The following STX18 variants were observed in gnomAD, a reference collection of about 807,000 sequenced individuals.
STX18 encodes the protein syntaxin 18, also known as syntaxin-18.
STX18 carries 40 observed loss-of-function variants against 50.1 expected under a neutral mutation model. The observed-to-expected ratio is 0.80, with a 90% CI of 0.62 to 1.04. STX18 has a LOEUF of 1.04. STX18 is among the 50% of genes least tolerant of loss of function. The probability of loss-of-function intolerance (pLI) is 0.00; values close to 1 mark genes in which losing one functional copy is unlikely to be tolerated. For missense variants in STX18, 410 were observed against 415.8 expected, an observed-to-expected ratio of 0.99 and a Z score of 0.12; for synonymous variants, 158 against 151.8, an observed-to-expected ratio of 1.04 and a Z score of -0.30.
intron 7 of STX18, among the ~76,000 whole-genome samples, chr4:4,433,394 C>T (rs897643496): frequency 1.1e-4 from 17 of 152,046 alleles, no homozygotes; most frequent in Non-Finnish European, 2.1e-4. Flanking sequence ...TGCGGAAGGC[C>T]GCAGGGTCCT....
At chr4:4,530,296 G>GTTTT (rs531488995) in intron 1 of STX18, among the ~76,000 whole-genome samples, 13 of 151,840 alleles carry the variant, frequency 8.6e-5, no homozygotes, top group African/African-American at 3.1e-4. Flanking sequence ...CATGCCTAGA[G>GTTTT]TTTTTTGGGT....
chr4:4,447,133 C>T (rs1726452936), intron 5 of STX18, among the ~76,000 whole-genome samples: 1 of 152,144 alleles, frequency 6.6e-6, no homozygotes, highest in Non-Finnish European at 1.5e-5. Flanking sequence ...TAATATTTTA[C>T]CTCAAATATT....
At chr4:4,428,412 C>G (rs1725360573) in intron 7 of STX18, among the ~76,000 whole-genome samples, 1 of 152,160 alleles carries the variant, frequency 6.6e-6, no homozygotes, top group African/African-American at 2.4e-5. Context: ...GCGTCTCTGT[C>G]TTTGTCACTA....
chr4:4,421,017 G>A, intron 9 of STX18, 73 bp from the exon 10 acceptor site: 2 of 1,450,422 alleles, frequency 1.4e-6, no homozygotes, highest in Admixed American at 3.4e-5. Flanking sequence ...GCTCCAACGA[G>A]CATTTCCTTT....
chr4:4,473,760 C>T (rs1247411602), intron 1 of STX18, among the ~76,000 whole-genome samples: 1 of 152,178 alleles, frequency 6.6e-6, no homozygotes, highest in Non-Finnish European at 1.5e-5. Flanking sequence ...AAACACTCAA[C>T]TACTTCCAGG....
chr4:4,490,412 A>C lies in STX18; in HGVS notation c.169-18706T>G, dbSNP rs560955178. On this transcript the variant is annotated intron_variant, in intron 1 of 10. Transcript: ENST00000306200. ...GATTTGCAATTATGAGGTCAATCTC[A>C]TAACAATGAGATTTAAAACAAATTT... Among the ~76,000 whole-genome samples the C allele has an allele frequency of 5.3e-5, 8 of 152,350 alleles. No individual in the cohort carries two copies. The East Asian group carries it at 1.5e-3, about 29-fold the overall frequency.
At chr4:4,438,803 C>CT (rs1283600216) in intron 5 of STX18, among the ~76,000 whole-genome samples, 1 of 151,938 alleles carries the variant, frequency 6.6e-6, no homozygotes, top group African/African-American at 2.4e-5. Context: ...GCTCCATAGA[C>CT]TGACACACCG....
intron 1 of STX18, among the ~76,000 whole-genome samples, chr4:4,500,547 TG>T (rs1419871901): frequency 6.6e-6 from 1 of 152,218 alleles, no homozygotes; most frequent in Non-Finnish European, 1.5e-5. Context: ...CCACAGAGTT[TG>T]GTATCCAGAG....
At chr4:4,491,438 A>G (rs1459116995) in intron 1 of STX18, among the ~76,000 whole-genome samples, 1 of 152,160 alleles carries the variant, frequency 6.6e-6, no homozygotes, top group Non-Finnish European at 1.5e-5. Context: ...TATTAATTTC[A>G]TTTACTGAAA....
At chr4:4,504,611 A>C (rs988794390) in intron 1 of STX18, among the ~76,000 whole-genome samples, 1 of 152,240 alleles carries the variant, frequency 6.6e-6, no homozygotes, top group African/African-American at 2.4e-5. Context: ...AAGTACTCTC[A>C]AAGTCAAAAC....
At chr4:4,490,536 G>A (rs1297286412) in intron 1 of STX18, among the ~76,000 whole-genome samples, 1 of 152,002 alleles carries the variant, frequency 6.6e-6, no homozygotes, top group African/African-American at 2.4e-5. Context: ...TTCTCCAAAA[G>A]GTTCTCTACA....
intron 1 of STX18, among the ~76,000 whole-genome samples, chr4:4,528,630 AACTAAT>A (rs1293680165): frequency 6.6e-6 from 1 of 152,254 alleles, no homozygotes; most frequent in African/African-American, 2.4e-5. Context: ...GCAAAAAATG[AACTAAT>A]ACAGGTTGTG....
chr4:4,505,604 A>C (rs1729664982), intron 1 of STX18, among the ~76,000 whole-genome samples: 2 of 150,772 alleles, frequency 1.3e-5, no homozygotes, highest in Non-Finnish European at 2.9e-5. Context: ...ACACGGCGAA[A>C]CTCCATCTCT....
chr4:4,529,733 C>T (rs752543047), intron 1 of STX18, among the ~76,000 whole-genome samples: 4 of 152,172 alleles, frequency 2.6e-5, no homozygotes, highest in Non-Finnish European at 4.4e-5. Context: ...TTCTGAACCT[C>T]GGTTTCTTCA....
chr4:4,495,767 C>T (rs1729142225), intron 1 of STX18, among the ~76,000 whole-genome samples: 1 of 152,010 alleles, frequency 6.6e-6, no homozygotes, highest in Admixed American at 6.6e-5. Flanking sequence ...GGAAAATGAT[C>T]TAATAAAATT....
At chr4:4,467,105 C>T (rs896817546) in intron 2 of STX18, among the ~76,000 whole-genome samples, 4 of 152,072 alleles carry the variant, frequency 2.6e-5, no homozygotes, top group African/African-American at 9.7e-5. Context: ...TAACATCAAT[C>T]TTAGGTTTTA....
At chr4:4,447,634 A>AAT (rs1726496942) in intron 5 of STX18, among the ~76,000 whole-genome samples, 1 of 107,178 alleles carries the variant, frequency 9.3e-6, no homozygotes, top group Non-Finnish European at 2.0e-5. Context: ...AAAAAAAAAA[A>AAT]TGGGGCTCTG....
intron 2 of STX18, among the ~76,000 whole-genome samples, chr4:4,466,176 G>C (rs1560178029): frequency 6.6e-6 from 1 of 152,144 alleles, no homozygotes; most frequent in Non-Finnish European, 1.5e-5. Context: ...CAGATAGGAA[G>C]GCAGGGCCAG....
intron 1 of STX18, among the ~76,000 whole-genome samples, chr4:4,487,653 C>T (rs1181485999): frequency 6.6e-6 from 1 of 152,166 alleles, no homozygotes; most frequent in African/African-American, 2.4e-5. Context: ...CTGTCGCCTC[C>T]CCCCTGCCAA....
Sources: allele counts gnomAD v4.1 joint callset (sites outside exome capture counted in the v4.1 genomes callset), GRCh38; gene constraint gnomAD v4.1.1; transcripts MANE v1.5; gene names NCBI Gene and HGNC (gene_info 2026-07-23, HGNC 2026-07-21).